KIAA0586: variants seen among roughly 807,000 people sequenced by gnomAD.
The protein encoded by KIAA0586 is KIAA0586.
A neutral mutation model predicts 169.8 loss-of-function variants in KIAA0586; 144 were observed. That is an observed-to-expected ratio of 0.85 (90% CI 0.74 to 0.97). The LOEUF (loss-of-function observed/expected upper bound fraction) is 0.97, where lower values mean the gene tolerates loss of function less well. Among genes scored for constraint, KIAA0586 ranks in the 50% least tolerant of loss-of-function variants. The probability of loss-of-function intolerance (pLI) is 0.00; values close to 1 mark genes in which losing one functional copy is unlikely to be tolerated. For synonymous variants in KIAA0586, 625 were observed against 612.4 expected (o/e 1.02, Z -0.30); for missense variants, 1,854 against 1,823.0 (o/e 1.02, Z -0.31).
chr14:58,508,587 G>T lies in KIAA0586; in HGVS notation c.4201G>T (p.Gly1401Cys). The T allele has an allele frequency of 6.3e-7, 1 of 1,596,792 alleles. No individual in the cohort carries two copies. Among genetic ancestry groups the T allele is most frequent in the Non-Finnish European group, 8.5e-7 (1 of 1,170,734 alleles). ...SIYEDSCASH[G>C]PMSLGELELE... ...TTATGAAGATTCATGTGCTAGTCATGGTCCAATGAGTTTGGGAGAATTGGA... is the reference window on the plus strand; with the variant it reads ...TTATGAAGATTCATGTGCTAGTCATTGTCCAATGAGTTTGGGAGAATTGGA... The change falls in exon 28 of 31, where the codon GGT (glycine) becomes TGT (cysteine). Residue 1401 changes from glycine to cysteine, a missense_variant. By Grantham distance (159) the Gly-to-Cys change is radical (BLOSUM62 -3). Coordinates refer to ENST00000652326, the MANE Select transcript of KIAA0586 (RefSeq NM_001329943.3).
At chr14:58,559,345 A>T in the KIAA0586 span, among the ~76,000 whole-genome samples, 1 of 152,334 alleles carries the variant, frequency 6.6e-6, no homozygotes, top group African/African-American at 2.4e-5. Flanking sequence ...GCCCAGCAAC[A>T]CTGTCACTGC....
At chr14:58,490,132 T>C in intron 24 of KIAA0586, 32 bp from the exon 25 acceptor site, 1 of 1,069,464 alleles carries the variant, frequency 9.4e-7, no homozygotes, top group Non-Finnish European at 1.3e-6. Context: ...TGTTTCTTTT[T>C]TTTTTCTAAA....
chr14:58,502,945 G>T (rs1409590669), intron 27 of KIAA0586, among the ~76,000 whole-genome samples: 4 of 151,936 alleles, frequency 2.6e-5, no homozygotes, highest in Admixed American at 1.3e-4. Flanking sequence ...TTCTTACTTT[G>T]CCCCTCCCCA....
chr14:58,497,610 G>T (rs1380727363), intron 26 of KIAA0586, among the ~76,000 whole-genome samples: 1 of 151,132 alleles, frequency 6.6e-6, no homozygotes, highest in African/African-American at 2.4e-5. Flanking sequence ...CGATCTGCCC[G>T]CCTTGACCTC....
chr14:58,437,960 A>T (rs921743220), intron 4 of KIAA0586, among the ~76,000 whole-genome samples: 2 of 152,072 alleles, frequency 1.3e-5, no homozygotes, highest in African/African-American at 4.8e-5. Flanking sequence ...TTGGCCAGAG[A>T]TGTAGGGGGT....
intron 29 of KIAA0586, among the ~76,000 whole-genome samples, chr14:58,529,880 T>G (rs1035592389): frequency 3.3e-5 from 5 of 152,072 alleles, no homozygotes; most frequent in African/African-American, 2.4e-5. Context: ...GAGAGAGAAA[T>G]AAAGCATATT....
At chr14:58,542,102 C>G (rs1022625363) in intron 30 of KIAA0586, among the ~76,000 whole-genome samples, 3 of 152,012 alleles carry the variant, frequency 2.0e-5, no homozygotes, top group African/African-American at 7.2e-5. Context: ...CTAAGTGATG[C>G]TTTTTTTAAT....
chr14:58,488,961 A>G, intron 24 of KIAA0586, 87 bp downstream of exon 24: 1 of 1,368,764 alleles, frequency 7.3e-7, no homozygotes, highest in Non-Finnish European at 1.0e-6. Flanking sequence ...GTTTTTACTT[A>G]ACTTTCAAGA....
rs370564100 is a variant in KIAA0586, at chr14:58,501,546, A to C, written c.4168+2586A>C. ...ATAGCCTCTTCAGTCCTTTTTAAAT[A>C]TCTGGTAACCCTAGCAGATTACCTA... On this transcript the variant is annotated intron_variant, in intron 27 of 30. Coordinates refer to ENST00000652326, the MANE Select transcript of KIAA0586 (RefSeq NM_001329943.3). Among the ~76,000 whole-genome samples, 4 of 152,334 alleles carry C rather than the reference A, an allele frequency of 2.6e-5. 1 individual carries two copies.
rs2040060841 is a variant in KIAA0586, at chr14:58,458,556, G to A, written c.1656+11G>A. On this transcript the variant is annotated intron_variant, in intron 12 of 30. Transcript: ENST00000652326. ...TCTGCAGAAATTCAGGTATGTCTTG[G>A]AAAAAAACTGAAAATTAAGTGAATT... 2.1e-6 allele frequency: 3 copies of A among 1,423,464 alleles called. No homozygotes were observed. Among genetic ancestry groups the A allele is most frequent in the African/African-American group, 1.4e-5 (1 of 69,404 alleles). 88.2% of individuals were successfully genotyped at this position (1,423,464 alleles called of 1,614,324 possible).
intron 10 of KIAA0586, 40 bp from the exon 11 acceptor site, chr14:58,457,719 T>C: frequency 7.7e-7 from 1 of 1,293,124 alleles, no homozygotes; most frequent in East Asian, 2.4e-5. Context: ...AAAGGAATCG[T>C]TGTGAGTTTA....
At chr14:58,495,109 T>C (rs2043076439) in intron 26 of KIAA0586, among the ~76,000 whole-genome samples, 1 of 152,188 alleles carries the variant, frequency 6.6e-6, no homozygotes, top group African/African-American at 2.4e-5. Flanking sequence ...TTTTCACCTC[T>C]GTAGTTACTC....
intron 29 of KIAA0586, chr14:58,521,132 A>C: frequency 1.9e-6 from 1 of 514,128 alleles, no homozygotes; most frequent in Non-Finnish European, 3.6e-6. Context: ...GAGTCTCAGA[A>C]TCGAATCTCT....
intron 29 of KIAA0586, among the ~76,000 whole-genome samples, chr14:58,538,555 C>T (rs150099798): frequency 1.4e-4 from 22 of 152,068 alleles, no homozygotes; most frequent in African/African-American, 5.3e-4. Context: ...GAGTATGCAT[C>T]TCCTTTGTGT....
At chr14:58,466,150 A>C in intron 15 of KIAA0586, 121 bp downstream of exon 15, 1 of 677,242 alleles carries the variant, frequency 1.5e-6, no homozygotes, top group Non-Finnish European at 2.4e-6. Context: ...TCCTGGACTC[A>C]AGCAGTCCAC....
chr14:58,477,647 T>C (rs2041742502), intron 20 of KIAA0586, among the ~76,000 whole-genome samples: 1 of 152,208 alleles, frequency 6.6e-6, no homozygotes, highest in South Asian at 2.1e-4. Context: ...TAAGTATTCA[T>C]TGAATGGTTA....
intron 27 of KIAA0586, among the ~76,000 whole-genome samples, chr14:58,500,415 A>G (rs1427580646): frequency 6.6e-6 from 1 of 152,106 alleles, no homozygotes; most frequent in Non-Finnish European, 1.5e-5. Flanking sequence ...GTGCTTAGAA[A>G]CACTAGACAG....
At chr14:58,479,048 A>G (rs911596787) in intron 20 of KIAA0586, among the ~76,000 whole-genome samples, 1 of 152,142 alleles carries the variant, frequency 6.6e-6, no homozygotes, top group African/African-American at 2.4e-5. Flanking sequence ...AAACCTTTTA[A>G]TTTTGGTTGG....
chr14:58,468,096 A>C (rs908743374), intron 16 of KIAA0586, among the ~76,000 whole-genome samples, 174 bp downstream of exon 16: 3 of 151,986 alleles, frequency 2.0e-5, no homozygotes, highest in Non-Finnish European at 4.4e-5. Flanking sequence ...CCCAGTCTGG[A>C]GGGCAATGGC....
Sources: gnomAD v4.1 joint callset for allele counts (sites outside exome capture counted in the v4.1 genomes callset) on GRCh38, gnomAD v4.1.1 for gene constraint, MANE v1.5 for transcripts, NCBI Gene and HGNC (gene_info 2026-07-23, HGNC 2026-07-21) for gene names.